TBC1D14: variants seen among roughly 807,000 people sequenced by gnomAD.
TBC1D14 encodes TBC1 domain family member 14, also known as TBC1 domain family, member 14.
Under a neutral mutation model 79.0 loss-of-function variants are expected in TBC1D14, and 26 were observed. That is an observed-to-expected ratio of 0.33 (90% CI 0.24 to 0.46). The LOEUF is 0.46. Ranked by LOEUF, TBC1D14 falls within the 20% of genes least tolerant of loss-of-function variation. TBC1D14 has a pLI of 1.00. For missense variants in TBC1D14, 769 were observed against 887.6 expected, an observed-to-expected ratio of 0.87 and a Z score of 1.70; for synonymous variants, 394 against 349.9, an observed-to-expected ratio of 1.13 and a Z score of -1.40.
chr4:6,918,400 G>T (rs1470127938), intron 1 of TBC1D14, among the ~76,000 whole-genome samples: 1 of 152,156 alleles, frequency 6.6e-6, no homozygotes, highest in Non-Finnish European at 1.5e-5. Context: ...TCTCTTTTGT[G>T]GCTTACATTC....
chr4:6,971,897 G>C (rs1001891522), intron 3 of TBC1D14, among the ~76,000 whole-genome samples: 4 of 152,230 alleles, frequency 2.6e-5, no homozygotes, highest in Non-Finnish European at 5.9e-5. Context: ...GTTAAATAAA[G>C]GGCCCAAAGC....
chr4:6,947,765 G>A (rs1050479447), intron 2 of TBC1D14, among the ~76,000 whole-genome samples: 7 of 152,208 alleles, frequency 4.6e-5, no homozygotes, highest in African/African-American at 1.7e-4. Context: ...GAGATTTCAA[G>A]GAGAGTATGA....
chr4:6,929,190 G>A (rs1455880538), intron 2 of TBC1D14, among the ~76,000 whole-genome samples: 1 of 152,130 alleles, frequency 6.6e-6, no homozygotes, highest in African/African-American at 2.4e-5. Context: ...TGTGGTCCTC[G>A]GTAAGGCAGG....
intron 5 of TBC1D14, among the ~76,000 whole-genome samples, chr4:6,996,623 G>A (rs1012306885): frequency 6.6e-6 from 1 of 152,216 alleles, no homozygotes; most frequent in African/African-American, 2.4e-5. Flanking sequence ...GGACTCGGGG[G>A]GATGTTGAGG....
chr4:6,953,457 T>TA (rs768801114), intron 2 of TBC1D14, among the ~76,000 whole-genome samples: 6,065 of 114,046 alleles, frequency 0.053, 514 homozygotes, highest in African/African-American at 0.17. Context: ...CCGTCTCTAC[T>TA]AAAAAAAAAA....
chr4:7,026,948 C>G (rs1722435994), intron 13 of TBC1D14, among the ~76,000 whole-genome samples: 1 of 152,114 alleles, frequency 6.6e-6, no homozygotes, highest in Admixed American at 6.5e-5. Context: ...TGCAGTGGCT[C>G]ACGCCTGTAA....
intron 1 of TBC1D14, among the ~76,000 whole-genome samples, chr4:6,914,969 G>A (rs969295710): frequency 1.3e-5 from 2 of 152,180 alleles, no homozygotes; most frequent in Non-Finnish European, 2.9e-5. Flanking sequence ...AACCCGGGAG[G>A]CGGAGGTTGT....
intron 3 of TBC1D14, among the ~76,000 whole-genome samples, chr4:6,967,926 A>G (rs564507339): frequency 1.8e-4 from 27 of 152,242 alleles, no homozygotes; most frequent in African/African-American, 6.5e-4. Flanking sequence ...GGTTCATGCC[A>G]GGCCTGCATG....
At chr4:6,919,774 C>T (rs1723692904) in intron 1 of TBC1D14, among the ~76,000 whole-genome samples, 1 of 152,112 alleles carries the variant, frequency 6.6e-6, no homozygotes, top group Non-Finnish European at 1.5e-5. Flanking sequence ...GCGTGCGCCA[C>T]CATGCCCAGC....
chr4:6,967,253 G>GT (rs1291151628), intron 2 of TBC1D14, 51 bp from the exon 3 acceptor site: 12 of 1,598,696 alleles, frequency 7.5e-6, no homozygotes, highest in Non-Finnish European at 1.0e-5. Flanking sequence ...CTGTTCTGGT[G>GT]TTTCTTGAAT....
At chr4:6,996,439 A>C in intron 5 of TBC1D14, 32 bp downstream of exon 5, 1 of 1,505,452 alleles carries the variant, frequency 6.6e-7, no homozygotes, top group Non-Finnish European at 9.2e-7. Flanking sequence ...GGGTTAAATC[A>C]GGCAGCACAG....
intron 3 of TBC1D14, among the ~76,000 whole-genome samples, chr4:6,972,917 GGAT>G (rs1418881401): frequency 6.6e-6 from 1 of 152,166 alleles, no homozygotes; most frequent in African/African-American, 2.4e-5. Context: ...AAATACGTGG[GGAT>G]GCTTTACAAC....
chr4:6,911,712 A>G (rs1723008987), intron 1 of TBC1D14, among the ~76,000 whole-genome samples: 1 of 152,122 alleles, frequency 6.6e-6, no homozygotes, highest in African/African-American at 2.4e-5. Flanking sequence ...CTGGTGCGCT[A>G]TAGAAGGCCT....
chr4:7,000,770 C>T (rs1048741060), intron 6 of TBC1D14, among the ~76,000 whole-genome samples: 1 of 152,254 alleles, frequency 6.6e-6, no homozygotes, highest in Non-Finnish European at 1.5e-5. Context: ...TGGCACTCCT[C>T]ACCCACTCCC....
chr4:6,971,091 C>G (rs1465123384), intron 3 of TBC1D14, among the ~76,000 whole-genome samples: 1 of 151,574 alleles, frequency 6.6e-6, no homozygotes, highest in Non-Finnish European at 1.5e-5. Context: ...TTCAAGGAGC[C>G]TGTGGTTGAG....
chr4:6,916,331 C>A (rs1723398204), intron 1 of TBC1D14, among the ~76,000 whole-genome samples: 1 of 150,166 alleles, frequency 6.7e-6, no homozygotes, highest in Non-Finnish European at 1.5e-5. Context: ...GTGCTCCAGC[C>A]CTGCGAAGAG....
chr4:7,027,440 A>T (rs1722502754), intron 13 of TBC1D14, among the ~76,000 whole-genome samples: 1 of 125,446 alleles, frequency 8.0e-6, no homozygotes, highest in African/African-American at 3.1e-5. Context: ...CAGTCACCCC[A>T]CACATAGACA....
chr4:6,940,185 T>C (rs921462318), intron 2 of TBC1D14, among the ~76,000 whole-genome samples: 7 of 152,248 alleles, frequency 4.6e-5, no homozygotes, highest in African/African-American at 1.7e-4. Context: ...ATTCAGTTTC[T>C]TAGTCACTCT....
intron 3 of TBC1D14, among the ~76,000 whole-genome samples, chr4:6,989,898 C>T (rs1718311936): frequency 2.0e-5 from 3 of 152,272 alleles, no homozygotes; most frequent in South Asian, 2.1e-4. Context: ...TCTCGTCTTT[C>T]CCAGCGTGAT....
Sources: allele counts gnomAD v4.1 joint callset (sites outside exome capture counted in the v4.1 genomes callset), GRCh38; gene constraint gnomAD v4.1.1; transcripts MANE v1.5; gene names NCBI Gene and HGNC (gene_info 2026-07-23, HGNC 2026-07-21).